CAMTA1: variants seen among roughly 807,000 people sequenced by gnomAD.
The protein encoded by CAMTA1 is calmodulin-binding transcription activator 1.
CAMTA1 carries 27 observed loss-of-function variants against 170.9 expected under a neutral mutation model. The observed-to-expected ratio is 0.16, with a 90% CI of 0.12 to 0.22. The LOEUF (loss-of-function observed/expected upper bound fraction) is 0.22. Ranked by LOEUF, CAMTA1 falls within the 10% of genes least tolerant of loss-of-function variation. CAMTA1 has a pLI of 1.00. For missense variants in CAMTA1, 1,619 were observed against 2,217.2 expected, an observed-to-expected ratio of 0.73 and a Z score of 5.42; for synonymous variants, 833 against 891.5, an observed-to-expected ratio of 0.93 and a Z score of 1.17.
chr1:7,124,555 A>T (rs978968062), intron 4 of CAMTA1, among the ~76,000 whole-genome samples: 3 of 152,190 alleles, frequency 2.0e-5, no homozygotes, highest in African/African-American at 7.2e-5. Context: ...CCCTCGCTTG[A>T]CTATAAAGTC....
intron 4 of CAMTA1, among the ~76,000 whole-genome samples, chr1:7,106,916 T>G (rs1388662380): frequency 6.6e-6 from 1 of 151,846 alleles, no homozygotes; most frequent in Non-Finnish European, 1.5e-5. Context: ...AGTGGTCTTG[T>G]TATTTGGAGG....
chr1:7,202,716 A>G (rs551682856), intron 4 of CAMTA1, among the ~76,000 whole-genome samples: 116 of 152,254 alleles, frequency 7.6e-4, no homozygotes, highest in African/African-American at 2.7e-3. Context: ...AATTATTTTT[A>G]TATATTGATC....
chr1:7,119,396 C>A (rs1292890519), intron 4 of CAMTA1, among the ~76,000 whole-genome samples: 1 of 152,134 alleles, frequency 6.6e-6, no homozygotes, highest in Non-Finnish European at 1.5e-5. Flanking sequence ...GGGCTCCTAA[C>A]CTCCCCATAC....
chr1:7,697,640 C>A (rs142913072), intron 11 of CAMTA1, among the ~76,000 whole-genome samples: 1,787 of 152,272 alleles, frequency 0.012, 13 homozygotes, highest in Non-Finnish European at 0.018. Context: ...AATGGATGGG[C>A]CTGTGTCAGC....
intron 4 of CAMTA1, among the ~76,000 whole-genome samples, chr1:7,230,825 G>A (rs925377730): frequency 5.9e-5 from 9 of 152,140 alleles, no homozygotes; most frequent in African/African-American, 9.7e-5. Context: ...ACTGGCGCCC[G>A]CAATGTCTCT....
At chr1:7,373,962 G>C (rs1263931280) in intron 5 of CAMTA1, among the ~76,000 whole-genome samples, 3 of 152,236 alleles carry the variant, frequency 2.0e-5, no homozygotes, top group Non-Finnish European at 2.9e-5. Context: ...GGGATGAACA[G>C]GAGCGACCGG....
At chr1:7,702,935 C>A (rs1380319912) in intron 11 of CAMTA1, among the ~76,000 whole-genome samples, 2 of 152,162 alleles carry the variant, frequency 1.3e-5, no homozygotes, top group African/African-American at 4.8e-5. Context: ...GGTACATGCA[C>A]CTTCCACCTA....
chr1:6,962,754 T>A (rs1464646465), intron 3 of CAMTA1, among the ~76,000 whole-genome samples: 4 of 147,176 alleles, frequency 2.7e-5, no homozygotes, highest in Admixed American at 1.3e-4. Flanking sequence ...TCCCTTTTCG[T>A]CCTTGCCCAC....
intron 4 of CAMTA1, among the ~76,000 whole-genome samples, chr1:7,225,161 T>C (rs994147410): frequency 8.5e-5 from 13 of 152,112 alleles, no homozygotes; most frequent in African/African-American, 3.1e-4. Context: ...CGCAGCTCAC[T>C]GCAAGCTCTG....
intron 4 of CAMTA1, among the ~76,000 whole-genome samples, chr1:7,244,981 C>G (rs773797782): frequency 6.6e-6 from 1 of 151,782 alleles, no homozygotes; most frequent in Non-Finnish European, 1.5e-5. Context: ...TCTACCTAAC[C>G]AAGACATGTT....
chr1:7,529,456 C>A (rs1396689339), intron 6 of CAMTA1, among the ~76,000 whole-genome samples: 2 of 152,198 alleles, frequency 1.3e-5, no homozygotes, highest in Non-Finnish European at 2.9e-5. Flanking sequence ...TGAGCCCCCA[C>A]AGAACCCTTC....
At chr1:6,907,971 C>T (rs78445696) in intron 3 of CAMTA1, among the ~76,000 whole-genome samples, 12,004 of 152,228 alleles carry the variant, frequency 0.079, 698 homozygotes, top group East Asian at 0.25. Context: ...CCGGCTCCCT[C>T]GCCAGCCTCG....
intron 3 of CAMTA1, among the ~76,000 whole-genome samples, chr1:7,088,662 G>A (rs1278963120): frequency 6.6e-6 from 1 of 152,150 alleles, no homozygotes; most frequent in Non-Finnish European, 1.5e-5. Context: ...GGATGTCCAG[G>A]GTTTTGGAAC....
chr1:7,595,631 A>G (rs1181335593), intron 6 of CAMTA1, among the ~76,000 whole-genome samples: 1 of 152,042 alleles, frequency 6.6e-6, no homozygotes, highest in East Asian at 1.9e-4. Flanking sequence ...CTTCACAACA[A>G]CCCTCTGAGG....
chr1:7,163,884 A>G (rs1647805151), intron 4 of CAMTA1, among the ~76,000 whole-genome samples: 1 of 152,130 alleles, frequency 6.6e-6, no homozygotes, highest in Non-Finnish European at 1.5e-5. Flanking sequence ...GCTCTACCCT[A>G]ATTACTGGTG....
Position 6,785,573 on chromosome 1 carries a change from A to G in CAMTA1, c.43A>G (p.Lys15Glu). 1.9e-6 allele frequency: 2 copies of G among 1,067,660 alleles called. No homozygotes were observed. Among genetic ancestry groups the G allele is most frequent in the South Asian group, 2.9e-5 (1 of 34,344 alleles). 66.1% of individuals were successfully genotyped at this position (1,067,660 alleles called of 1,614,324 possible). Residue 15 changes from lysine (K) to glutamate (E), a missense_variant and splice_region_variant, in exon 1 of 23, where the codon AAG (lysine) becomes GAG (glutamate). By Grantham distance (56) the Lys-to-Glu change is moderately conservative (BLOSUM62 1). Around this residue, in one of 8 missense-constraint regions of CAMTA1, gnomAD observed 61 missense variants for 57.7 expected, o/e 1.06. Coordinates refer to ENST00000303635, the MANE Select transcript of CAMTA1 (RefSeq NM_015215.4). ...GAAATGGCTGCCGAAAACAAGCCGG[A>G]AGGTAAGAGCCGGAGCGCGAGGGGC... ...EGKWLPKTSRKSVSQSVFCGT... is the reference protein window; with the variant it reads ...EGKWLPKTSRESVSQSVFCGT...
At chr1:7,563,733 T>C (rs1007063354) in intron 6 of CAMTA1, among the ~76,000 whole-genome samples, 1 of 152,014 alleles carries the variant, frequency 6.6e-6, no homozygotes, top group African/African-American at 2.4e-5. Context: ...GGAAACTGAG[T>C]CCTGGAGAGA....
Position 7,212,250 on chromosome 1 carries a change from C to G in CAMTA1, c.303-37241C>G, listed in dbSNP as rs11120878. 9.1e-3 allele frequency among the ~76,000 whole-genome samples: 1,379 copies of G among 151,976 alleles called. 25 individuals carry two copies. The highest frequency in any genetic ancestry group is 0.032 in the African/African-American group (1,333 of 41,468). On this transcript the variant is annotated intron_variant, in intron 4 of 22. Transcript: ENST00000303635. ...GCTCTTTTGTTTTTTTGCTTGTGTT[C>G]TATTTTATGGTCTCTCCCCATCCTT...
At chr1:7,086,465 C>T (rs530212533) in intron 3 of CAMTA1, among the ~76,000 whole-genome samples, 1 of 152,088 alleles carries the variant, frequency 6.6e-6, no homozygotes, top group South Asian at 2.1e-4. Context: ...TAAAATTTAC[C>T]ATCAGTGGTC....
Sources: allele counts gnomAD v4.1 joint callset (sites outside exome capture counted in the v4.1 genomes callset), GRCh38; gene constraint gnomAD v4.1.1; regional missense constraint gnomAD v4.1.1; transcripts MANE v1.5; gene names NCBI Gene and HGNC (gene_info 2026-07-23, HGNC 2026-07-21).